The following SLC4A5 variants were observed in gnomAD, a reference collection of about 807,000 sequenced individuals.
SLC4A5 encodes solute carrier family 4 member 5, also known as electrogenic sodium bicarbonate cotransporter 4.
A neutral mutation model predicts 120.4 loss-of-function variants in SLC4A5; 96 were observed. That is an observed-to-expected ratio of 0.80 (90% confidence interval 0.68 to 0.94). The LOEUF (loss-of-function observed/expected upper bound fraction) is 0.94, where lower values mean the gene tolerates loss of function less well. Ranked by LOEUF, SLC4A5 falls within the 40% of genes least tolerant of loss-of-function variation. SLC4A5 has a pLI of 0.00. For synonymous variants in SLC4A5, 550 were observed against 571.1 expected, an observed-to-expected ratio of 0.96 and a Z score of 0.53; for missense variants, 1,259 against 1,459.5, an observed-to-expected ratio of 0.86 and a Z score of 2.24.
chr2:74,315,699 C>T (rs1319812172), intron 5 of SLC4A5, among the ~76,000 whole-genome samples: 7 of 151,472 alleles, frequency 4.6e-5, no homozygotes, highest in East Asian at 3.9e-4. Context: ...GAGGCTGAGG[C>T]GGGAGAATCA....
In SLC4A5 at chr2:74,240,041, TTATA is replaced by T. The variant is rs142456944; in HGVS notation, c.2119-510_2119-507del. On this transcript the variant is annotated intron_variant, in intron 20 of 30. Transcript: ENST00000394019. ...TTTATTTATATATACATATATAAAT[TTATA>T]TATATATATATATAAATGTGTACTG... is the stretch of plus-strand genomic sequence containing the variant. Among the ~76,000 whole-genome samples, 230 of 145,384 alleles carry T rather than the reference TTATA, an allele frequency of 1.6e-3. 2 individuals are homozygous for T. Among genetic ancestry groups the T allele is most frequent in the African/African-American group, 5.6e-3 (223 of 39,996 alleles).
At chr2:74,323,579 A>C (rs1673145267) in intron 5 of SLC4A5, among the ~76,000 whole-genome samples, 1 of 152,216 alleles carries the variant, frequency 6.6e-6, no homozygotes, top group Non-Finnish European at 1.5e-5. Context: ...CGAGCCACTC[A>C]GGGAAAAAAT....
intron 7 of SLC4A5, chr2:74,290,629 G>C (rs993424940): frequency 1.1e-5 from 11 of 977,200 alleles, no homozygotes; most frequent in Non-Finnish European, 1.3e-5. Context: ...AAGTGAGAGA[G>C]AGAGAGAGAG....
intron 16 of SLC4A5, 196 bp from the exon 17 acceptor site, chr2:74,250,713 A>C (rs923650225): frequency 4.9e-6 from 3 of 606,816 alleles, no homozygotes; most frequent in Non-Finnish European, 8.5e-6. Context: ...GGCACCACCC[A>C]CATTGGGAAG....
intron 7 of SLC4A5, among the ~76,000 whole-genome samples, chr2:74,288,760 A>T (rs1366384750): frequency 6.6e-6 from 1 of 152,136 alleles, no homozygotes; most frequent in East Asian, 1.9e-4. Flanking sequence ...TGACAATTGG[A>T]CTGCTCCTTT....
At chr2:74,330,785 G>C (rs1255765959) in intron 4 of SLC4A5, among the ~76,000 whole-genome samples, 3 of 146,336 alleles carry the variant, frequency 2.1e-5, no homozygotes, top group Non-Finnish European at 4.5e-5. Context: ...AGGTGGTGAG[G>C]TCTAGATGGA....
chr2:74,248,462 T>A (rs1670688729), exon 18 of SLC4A5: 1 of 1,613,910 alleles, frequency 6.2e-7, no homozygotes, highest in Non-Finnish European at 8.5e-7. Flanking sequence ...GCCATGGCAG[T>A]GCCCAGGAAG....
intron 6 of SLC4A5, chr2:74,307,621 T>A: frequency 1.1e-6 from 1 of 901,110 alleles, no homozygotes; most frequent in Non-Finnish European, 1.8e-6. Context: ...TCAATGGTCT[T>A]GAAGTAATGG....
exon 7 of SLC4A5, chr2:74,304,671 G>A: frequency 6.2e-7 from 1 of 1,613,032 alleles, no homozygotes; most frequent in South Asian, 1.1e-5. Flanking sequence ...AATGTGGATA[G>A]GAGGGCATTC....
At position 74,247,327 on chromosome 2, in the gene SLC4A5, T is replaced by G; in HGVS notation, c.1788-20A>C. ...TTGCCTCTGGAAGGCAGAGGGGAGG[T>G]GAGGGGCCTCCAGCCCAGGGCTCCT... On this transcript the variant is annotated intron_variant, in intron 18 of 30. Transcript: ENST00000394019. 1 of 1,604,300 alleles carries G rather than the reference T, an allele frequency of 6.2e-7. No homozygotes were observed. Among genetic ancestry groups the G allele is most frequent in the East Asian group, 2.2e-5 (1 of 44,748 alleles).
rs747682513 is a variant in SLC4A5, at chr2:74,233,579, C to T, written c.2434-16G>A. 5 of 1,601,308 alleles carry T rather than the reference C, an allele frequency of 3.1e-6. No individual in the cohort carries two copies. In the African/African-American group the frequency reaches 5.4e-5, roughly 17 times the overall value. On this transcript the variant is annotated splice_polypyrimidine_tract_variant and intron_variant, in intron 22 of 30. Transcript: ENST00000394019. ...GCCGCGTTGGCTGAGTGGGAGCAAA[C>T]AGAGAGGGGCCCTTTCCTCTCTCCC...
At chr2:74,229,343 G>A (rs1369699367) in intron 25 of SLC4A5, among the ~76,000 whole-genome samples, 6 of 150,990 alleles carry the variant, frequency 4.0e-5, no homozygotes, top group Non-Finnish European at 4.4e-5. Context: ...TCCACCTCCC[G>A]GGCTCAACCA....
chr2:74,241,953 CAA>C (rs1670462268), intron 20 of SLC4A5, 39 bp downstream of exon 20: 34 of 1,578,438 alleles, frequency 2.2e-5, no homozygotes, highest in Non-Finnish European at 2.9e-5. Flanking sequence ...CTCCTACAAA[CAA>C]AAGCACTCAA....
In SLC4A5 at chr2:74,291,096, T is replaced by A. The variant is rs554800997; in HGVS notation, c.272-5194A>T. ...CCAAGCAGTGCTCGATAATGTGCTATGTAGCTGGTTTCTTTCCTCCCCAAC... is the reference window on the plus strand; with the variant it reads ...CCAAGCAGTGCTCGATAATGTGCTAAGTAGCTGGTTTCTTTCCTCCCCAAC... On this transcript the variant is annotated intron_variant, in intron 7 of 30. Coordinates refer to ENST00000394019, the Ensembl canonical transcript of SLC4A5. Among the ~76,000 whole-genome samples, 8 of 152,280 alleles carry A rather than the reference T, an allele frequency of 5.3e-5. No individual in the cohort carries two copies. In the South Asian group the frequency reaches 1.7e-3, roughly 32 times the overall value.
At chr2:74,319,260 C>T (rs1279176851) in intron 5 of SLC4A5, 4 of 152,268 alleles carry the variant, frequency 2.6e-5, no homozygotes, top group African/African-American at 9.6e-5. Context: ...CCTATTGCTA[C>T]ACTGTTCACT....
At chr2:74,293,426 A>G (rs1274337011) in intron 7 of SLC4A5, among the ~76,000 whole-genome samples, 2 of 152,190 alleles carry the variant, frequency 1.3e-5, no homozygotes, top group Non-Finnish European at 1.5e-5. Flanking sequence ...CCTGGCCACA[A>G]TGAATTGGAG....
At chr2:74,227,080 G>A in exon 27 of SLC4A5, 1 of 1,614,124 alleles carries the variant, frequency 6.2e-7, no homozygotes, top group Non-Finnish European at 8.5e-7. Context: ...GGAAGGCATG[G>A]TCCGGCTGGT....
intron 7 of SLC4A5, among the ~76,000 whole-genome samples, chr2:74,297,670 A>C (rs1384462516): frequency 6.6e-6 from 1 of 152,142 alleles, no homozygotes; most frequent in Non-Finnish European, 1.5e-5. Flanking sequence ...TTTTCCCCCC[A>C]GGGTAGAAAC....
rs202086074 is a variant in SLC4A5, at chr2:74,337,414, CA to C, written c.-221+1440del. Among the ~76,000 whole-genome samples, 1,347 of 152,298 alleles carry C rather than the reference CA, an allele frequency of 8.8e-3. 29 individuals are homozygous for C. The highest frequency in any genetic ancestry group is 0.03 in the African/African-American group (1,233 of 41,554). ...TAGAACCCTGCACTCCACCCCACCC[CA>C]AACCCAAAATGGAAACTGCAAAGGA... On this transcript the variant is annotated intron_variant, in intron 3 of 30. Coordinates refer to ENST00000394019, the Ensembl canonical transcript of SLC4A5.
Sources: allele counts gnomAD v4.1 joint callset (sites outside exome capture counted in the v4.1 genomes callset), GRCh38; gene constraint gnomAD v4.1.1; transcripts MANE v1.5; gene names NCBI Gene and HGNC (gene_info 2026-07-23, HGNC 2026-07-21).